Variants in GPAT3 observed in about 807,000 individuals in gnomAD.
GPAT3 encodes the protein 1-AGP acyltransferase 9.
In GPAT3, 53 loss-of-function variants were observed where a neutral mutation model predicts 58.8. The ratio of observed to expected loss-of-function variants is 0.90; its 90% CI spans 0.72 to 1.13. GPAT3 has a LOEUF of 1.13. Among genes scored for constraint, GPAT3 ranks in the 50% most tolerant of loss-of-function variants. GPAT3 has a pLI of 0.00. For missense variants in GPAT3, 511 were observed against 527.6 expected, an observed-to-expected ratio of 0.97 and a Z score of 0.31; for synonymous variants, 197 against 187.4, an observed-to-expected ratio of 1.05 and a Z score of -0.42.
chr4:83,557,664 C>CAGCT (rs1179189332), intron 2 of GPAT3, among the ~76,000 whole-genome samples: 2 of 152,236 alleles, frequency 1.3e-5, no homozygotes, highest in African/African-American at 4.8e-5. Context: ...ATCCAGCAGA[C>CAGCT]AGCTACTCAT....
intron 1 of GPAT3, among the ~76,000 whole-genome samples, chr4:83,537,593 G>A (rs1294982296): frequency 9.1e-6 from 1 of 109,986 alleles, no homozygotes; most frequent in East Asian, 3.2e-4. Flanking sequence ...TGTATAATAT[G>A]TGTGTGTGTG....
intron 2 of GPAT3, among the ~76,000 whole-genome samples, chr4:83,554,107 T>C (rs993937198): frequency 4.6e-5 from 7 of 151,996 alleles, no homozygotes; most frequent in African/African-American, 1.7e-4. Context: ...TCCTCACACC[T>C]CATCCTCCTA....
intron 6 of GPAT3, 27 bp downstream of exon 6, chr4:83,590,319 G>A: frequency 6.3e-7 from 1 of 1,596,084 alleles, no homozygotes; most frequent in Non-Finnish European, 8.6e-7. Flanking sequence ...GATATTTCAA[G>A]TAGTTGCATG....
intron 2 of GPAT3, among the ~76,000 whole-genome samples, chr4:83,579,003 T>TCTTTC: frequency 7.5e-6 from 1 of 133,946 alleles, no homozygotes; most frequent in Non-Finnish European, 1.6e-5. Flanking sequence ...CTTCCTTCCT[T>TCTTTC]CCTTCCTTCT....
chr4:83,581,829 T>G lies in GPAT3; in HGVS notation c.476T>G (p.Leu159Arg). The change falls in exon 3 of 12, where the codon CTG becomes CGG. Residue 159 changes from leucine (L) to arginine (R), a missense_variant. Coordinates refer to ENST00000264409, the MANE Select transcript of GPAT3 (RefSeq NM_032717.5). ...GTGCGCTATTGTGTCCTACTGCCTC[T>G]GAGGTAAGTCATATGCCTGGTAATT... is the stretch of plus-strand genomic sequence containing the variant. ...VIVRYCVLLPLRVTLAFIGIS... is the reference protein window; with the variant it reads ...VIVRYCVLLPRRVTLAFIGIS... 6.2e-7 allele frequency: 1 copy of G among 1,607,188 alleles called. No individual in the cohort carries two copies. Among genetic ancestry groups the G allele is most frequent in the Admixed American group, 1.7e-5 (1 of 59,604 alleles).
rs116785791 is a variant in GPAT3, at chr4:83,536,133, G to C, written c.-490G>C. ...AGCTTCCAGCACAGCCCGCGGCCCG[G>C]TGCCAGCTCCGCCGGCGACCGGTGT... On this transcript the variant is annotated 5_prime_UTR_variant, in exon 1 of 12. Transcript: ENST00000264409. The C allele has an allele frequency of 3.1e-3, 3,080 of 985,854 alleles. 73 individuals carry two copies. The African/African-American group carries it at 0.049, about 16-fold the overall frequency. The allele number at this position is 985,854 out of a possible 1,614,324, so 61.1% of individuals were successfully genotyped here.
Position 83,597,162 on chromosome 4 carries a change from G to T in GPAT3, c.910+249G>T, listed in dbSNP as rs3733328. Among the ~76,000 whole-genome samples the T allele has an allele frequency of 0.54, 81,377 of 151,904 alleles. 22,671 individuals are homozygous for T. Among genetic ancestry groups the T allele is most frequent in the Middle Eastern group, 0.73 (214 of 294 alleles). On this transcript the variant is annotated intron_variant, in intron 8 of 11. Coordinates refer to ENST00000264409, the MANE Select transcript of GPAT3 (RefSeq NM_032717.5). ...AGCAGAATTGTCCGTGACTTTAAGG[G>T]TTGCATGTATTGAAATTTCACCTGT...
At chr4:83,542,752 C>T (rs1218039591) in intron 1 of GPAT3, among the ~76,000 whole-genome samples, 1 of 152,160 alleles carries the variant, frequency 6.6e-6, no homozygotes, top group Non-Finnish European at 1.5e-5. Context: ...AATCCCAGCA[C>T]TTTGGGAGGC....
At chr4:83,563,375 C>T (rs1469171671) in intron 2 of GPAT3, among the ~76,000 whole-genome samples, 1 of 152,100 alleles carries the variant, frequency 6.6e-6, no homozygotes, top group African/African-American at 2.4e-5. Context: ...CTACCTCTAT[C>T]CCAAGTTAGT....
At chr4:83,604,380 A>G (rs547654436) in intron 11 of GPAT3, among the ~76,000 whole-genome samples, 5 of 152,248 alleles carry the variant, frequency 3.3e-5, no homozygotes, top group East Asian at 1.9e-4. Flanking sequence ...CAATCCAAAT[A>G]TTTAATACAC....
At chr4:83,603,237 A>G (rs1172245928) in intron 11 of GPAT3, among the ~76,000 whole-genome samples, 1 of 152,236 alleles carries the variant, frequency 6.6e-6, no homozygotes, top group Non-Finnish European at 1.5e-5. Flanking sequence ...ATAGTGACCT[A>G]TGATAGTCCA....
chr4:83,563,478 C>CTTTTTTTTTTT (rs908400401), intron 2 of GPAT3, among the ~76,000 whole-genome samples: 2 of 114,456 alleles, frequency 1.7e-5, no homozygotes, highest in African/African-American at 3.1e-5. Context: ...TTTCTTTCTT[C>CTTTTTTTTTTT]TTTTTTTTTT....
chr4:83,559,043 G>T (rs1316639017), intron 2 of GPAT3, among the ~76,000 whole-genome samples: 1 of 152,150 alleles, frequency 6.6e-6, no homozygotes, highest in Non-Finnish European at 1.5e-5. Flanking sequence ...AACACTTCTT[G>T]TTAGCAAAAA....
chr4:83,593,292 G>C (rs1023671661), intron 6 of GPAT3, among the ~76,000 whole-genome samples: 2 of 150,598 alleles, frequency 1.3e-5, no homozygotes, highest in Admixed American at 1.3e-4. Flanking sequence ...AGCCTCCCAA[G>C]TAGCTGGGAT....
At chr4:83,588,373 G>T in intron 5 of GPAT3, 74 bp downstream of exon 5, 1 of 1,455,308 alleles carries the variant, frequency 6.9e-7, no homozygotes, top group Non-Finnish European at 9.6e-7. Flanking sequence ...AGCATTGGAA[G>T]TGGTTGGGAA....
chr4:83,605,741 A>G lies in GPAT3; in HGVS notation c.*974A>G, dbSNP rs139694427. 6.6e-6 allele frequency: 1 copy of G among 152,604 alleles called. No individual in the cohort carries two copies. Among genetic ancestry groups the G allele is most frequent in the Non-Finnish European group, 1.5e-5 (1 of 68,022 alleles). 9.5% of individuals were successfully genotyped at this position (152,604 alleles called of 1,614,324 possible). Reference sequence around the variant, plus strand: ...TAGAGGGGGAAATAAGTTTTCCCCAACTCACACAGCATAAGCAATGTTTGA... The same window carrying G: ...TAGAGGGGGAAATAAGTTTTCCCCAGCTCACACAGCATAAGCAATGTTTGA... On this transcript the variant is annotated 3_prime_UTR_variant, in exon 12 of 12. Coordinates refer to ENST00000264409, the MANE Select transcript of GPAT3 (RefSeq NM_032717.5).
At position 83,544,592 on chromosome 4, in the gene GPAT3, T is replaced by C. The variant is rs1465010812; in HGVS notation, c.198T>C (p.Ser66=). Residue 66 remains serine (S), a synonymous_variant, in exon 2 of 12, where the codon TCT becomes TCC. Coordinates refer to ENST00000264409, the MANE Select transcript of GPAT3 (RefSeq NM_032717.5). ...GTPKESILKN[S]ASVGIIQRDE... is the part of the protein sequence containing the mutation. ...CAAAGGAGTCGATTCTTAAAAACTCTGCTTCTGTTGGTGAGTTTTCCTTTT... is the reference window on the plus strand; with the variant it reads ...CAAAGGAGTCGATTCTTAAAAACTCCGCTTCTGTTGGTGAGTTTTCCTTTT... The C allele has an allele frequency of 6.2e-7, 1 of 1,614,052 alleles. No individual in the cohort carries two copies. The highest frequency in any genetic ancestry group is 1.3e-5 in the African/African-American group (1 of 75,048).
chr4:83,540,049 T>C lies in GPAT3; in HGVS notation c.141+3286T>C, dbSNP rs370881472. On this transcript the variant is annotated intron_variant, in intron 1 of 11. Transcript: ENST00000264409. ...GGTGTGCACCTGTAATCCCAGCTGC[T>C]CAGGAGGCTGAGGCTGAGAATCACT... Among the ~76,000 whole-genome samples the C allele has an allele frequency of 3.6e-4, 54 of 150,620 alleles. No homozygotes were observed. The East Asian group carries it at 9.4e-3, about 26-fold the overall frequency.
chr4:83,588,461 A>C (rs924474585), intron 5 of GPAT3, among the ~76,000 whole-genome samples, 162 bp downstream of exon 5: 1 of 152,240 alleles, frequency 6.6e-6, no homozygotes, highest in African/African-American at 2.4e-5. Context: ...GCACAAAAAC[A>C]CTAAATAGCA....
Sources: allele counts gnomAD v4.1 joint callset (sites outside exome capture counted in the v4.1 genomes callset), GRCh38; gene constraint gnomAD v4.1.1; transcripts MANE v1.5; gene names NCBI Gene and HGNC (gene_info 2026-07-23, HGNC 2026-07-21).